The following SLC5A10 variants were observed in gnomAD, a reference collection of about 807,000 sequenced individuals.
The protein encoded by SLC5A10 is solute carrier family 5 member 10.
A neutral mutation model predicts 68.9 loss-of-function variants in SLC5A10; 55 were observed. The ratio of observed to expected loss-of-function variants is 0.80; its 90% CI spans 0.64 to 1.00. The LOEUF is 1.00. SLC5A10 is among the 50% of genes least tolerant of loss of function. The pLI is 0.00. For synonymous variants in SLC5A10, 344 were observed against 344.8 expected (o/e 1.00, Z 0.02); for missense variants, 732 against 819.3 (o/e 0.89, Z 1.30).
rs960378901 is a variant in SLC5A10 at position 18,982,040 on chromosome 17, C to G, written c.982+5051C>G. On this transcript the variant is annotated intron_variant, in intron 9 of 14. Transcript: ENST00000395645. ...CCGCCAGCATCAGGACCCTTCTGGA[C>G]AGTGTCTGTCCCCACCCATCCCAAA... is the stretch of plus-strand genomic sequence containing the variant. Among the ~76,000 whole-genome samples the G allele has an allele frequency of 9.8e-5, 15 of 152,354 alleles. No individual in the cohort carries two copies. The East Asian group carries it at 2.7e-3, about 27-fold the overall frequency.
chr17:18,971,379 G>T lies in SLC5A10; in HGVS notation c.846+161G>T, dbSNP rs765570800. ...TGCTGCTAGGGGTCTTTGCGGTCCC[G>T]GGGGGCTTGAGCCCTCCGTTTAGAA... On this transcript the variant is annotated intron_variant, in intron 8 of 14. Coordinates refer to ENST00000395645, the MANE Select transcript of SLC5A10 (RefSeq NM_001042450.4). This position sits in a 1 kb window ranked among gnomAD's most constrained non-coding sequence, Gnocchi z 5.5. The T allele has an allele frequency of 6.2e-7, 1 of 1,601,780 alleles. No individual in the cohort carries two copies. Among genetic ancestry groups the T allele is most frequent in the South Asian group, 1.1e-5 (1 of 90,458 alleles).
chr17:19,007,054 T>G (rs1014310180), intron 9 of SLC5A10, among the ~76,000 whole-genome samples: 2 of 152,234 alleles, frequency 1.3e-5, no homozygotes, highest in Non-Finnish European at 2.9e-5. Context: ...CCCAAGAGTG[T>G]TATTCCTGGG....
At chr17:18,977,468 G>A (rs1389512805) in intron 9 of SLC5A10, 6 of 1,046,126 alleles carry the variant, frequency 5.7e-6, no homozygotes. Flanking sequence ...TCTGTAACAA[G>A]GGAATTGAAG....
chr17:18,973,606 A>C (rs1214531041), intron 8 of SLC5A10, among the ~76,000 whole-genome samples: 4 of 151,932 alleles, frequency 2.6e-5, no homozygotes, highest in Admixed American at 2.6e-4. Flanking sequence ...TAGAGGTCTG[A>C]CTCCACTTTG....
chr17:18,970,986 G>T (rs767018885), intron 7 of SLC5A10, 27 bp from the exon 8 acceptor site: 18 of 1,611,856 alleles, frequency 1.1e-5, no homozygotes, highest in Non-Finnish European at 1.7e-6. Context: ...CCACCAAACT[G>T]TCCCTGTTCC....
intron 9 of SLC5A10, among the ~76,000 whole-genome samples, chr17:19,008,931 C>T (rs1567810743): frequency 6.6e-6 from 1 of 151,822 alleles, no homozygotes; most frequent in Admixed American, 6.6e-5. Flanking sequence ...CGTGCCGTAG[C>T]CTCCCAAGTA....
Position 19,020,776 on chromosome 17 carries a change from T to C in SLC5A10, c.*345T>C. The C allele has an allele frequency of 3.2e-6, 1 of 310,518 alleles. No homozygotes were observed. The highest frequency in any genetic ancestry group is 4.4e-5 in the Admixed American group (1 of 22,944). The allele number at this position is 310,518 out of a possible 1,614,324, so 19.2% of individuals were successfully genotyped here. A position where few individuals can be genotyped will look rare whatever the true frequency, so the allele number is the denominator to read the frequency against. ...CCAGCACTCAGGGTTCTAAGGGTCT[T>C]GGGCCAGCTCTGGATGGAGGAAGAG... On this transcript the variant is annotated 3_prime_UTR_variant, in exon 15 of 15. Transcript: ENST00000395645.
chr17:18,954,975 A>T (rs1253761952), intron 1 of SLC5A10, among the ~76,000 whole-genome samples: 1 of 151,532 alleles, frequency 6.6e-6, no homozygotes, highest in Non-Finnish European at 1.5e-5. Flanking sequence ...AATCCCAGCT[A>T]CTCAGGAGGC....
chr17:18,971,500 C>T lies in SLC5A10; in HGVS notation c.846+282C>T, dbSNP rs2042851153. The T allele has an allele frequency of 1.9e-6, 3 of 1,613,926 alleles. No individual in the cohort carries two copies. Among genetic ancestry groups the T allele is most frequent in the Non-Finnish European group, 2.5e-6 (3 of 1,180,048 alleles). ...GGATTCCGAAGGGACTCGGATGCTCCTCGGTGGCCCTGCCATCGGTCATGG... is the reference window on the plus strand; with the variant it reads ...GGATTCCGAAGGGACTCGGATGCTCTTCGGTGGCCCTGCCATCGGTCATGG... On this transcript the variant is annotated intron_variant, in intron 8 of 14. Coordinates refer to ENST00000395645, the MANE Select transcript of SLC5A10 (RefSeq NM_001042450.4). This position sits in a 1 kb window ranked among gnomAD's most constrained non-coding sequence, Gnocchi z 5.5.
chr17:18,979,207 C>A, intron 9 of SLC5A10: 2 of 466,586 alleles, frequency 4.3e-6, no homozygotes, highest in Non-Finnish European at 3.9e-6. Flanking sequence ...TAACCATGGG[C>A]AGCGCCCACC....
At chr17:18,984,366 C>T (rs758569979) in intron 9 of SLC5A10, among the ~76,000 whole-genome samples, 12 of 151,276 alleles carry the variant, frequency 7.9e-5, no homozygotes, top group Non-Finnish European at 1.3e-4. Context: ...AGAACCCTGC[C>T]TTATACCCTG....
chr17:18,958,660 T>C, intron 1 of SLC5A10, 22 bp from the exon 2 acceptor site: 2 of 1,613,452 alleles, frequency 1.2e-6, no homozygotes, highest in Non-Finnish European at 1.7e-6. Context: ...TTCCAACTCC[T>C]GTCCCTTTTC....
chr17:18,961,741 G>A (rs1840526436), intron 5 of SLC5A10, among the ~76,000 whole-genome samples: 1 of 152,132 alleles, frequency 6.6e-6, no homozygotes, highest in Non-Finnish European at 1.5e-5. Context: ...TCCATCCAGA[G>A]CCCCCACGGG....
At chr17:19,005,531 G>A (rs1442653935) in intron 9 of SLC5A10, among the ~76,000 whole-genome samples, 1 of 152,170 alleles carries the variant, frequency 6.6e-6, no homozygotes, top group African/African-American at 2.4e-5. Flanking sequence ...CCGGCACCAG[G>A]CCCAGCCCTT....
intron 14 of SLC5A10, 39 bp downstream of exon 14, chr17:19,020,251 T>G: frequency 6.2e-7 from 1 of 1,613,570 alleles, no homozygotes; most frequent in African/African-American, 1.3e-5. Flanking sequence ...ACCTTGACCC[T>G]GGCCTGGAGG....
Position 19,013,393 on chromosome 17 carries a change from G to A in SLC5A10, c.983-17G>A. Reference sequence around the variant, plus strand: ...ATGTCTATGAGGAGAGACACCAAGTGTCCGTCTCTCGAACAGATGATGTGG... The same window carrying A: ...ATGTCTATGAGGAGAGACACCAAGTATCCGTCTCTCGAACAGATGATGTGG... On this transcript the variant is annotated splice_polypyrimidine_tract_variant and intron_variant, in intron 9 of 14. Coordinates refer to ENST00000395645, the MANE Select transcript of SLC5A10 (RefSeq NM_001042450.4). The A allele has an allele frequency of 1.9e-6, 3 of 1,605,260 alleles. No individual in the cohort carries two copies. The highest frequency in any genetic ancestry group is 2.6e-6 in the Non-Finnish European group (3 of 1,175,566).
chr17:18,955,866 T>C (rs111928116), intron 1 of SLC5A10, among the ~76,000 whole-genome samples: 15,137 of 152,206 alleles, frequency 0.099, 2,169 homozygotes, highest in African/African-American at 0.32. Context: ...GTTCAAGACC[T>C]GCCTGGGCAA....
rs546885064 is a variant in SLC5A10, at chr17:18,984,979, C to G, written c.982+7990C>G. Among the ~76,000 whole-genome samples, 3 of 152,378 alleles carry G rather than the reference C, an allele frequency of 2.0e-5. No homozygotes were observed. In the South Asian group the frequency reaches 6.2e-4, roughly 32 times the overall value. On this transcript the variant is annotated intron_variant, in intron 9 of 14. Coordinates refer to ENST00000395645, the MANE Select transcript of SLC5A10 (RefSeq NM_001042450.4). ...ACTGGTGCACGCTGCTCCCACCTCA[C>G]CTGGGGACCAGGAGTGGGCTTGGCC...
chr17:18,968,900 C>T lies in SLC5A10; in HGVS notation c.454-152C>T. 1.5e-6 allele frequency: 1 copy of T among 649,004 alleles called. No homozygotes were observed. The highest frequency in any genetic ancestry group is 2.0e-5 in the South Asian group (1 of 50,440). The allele number at this position is 649,004 out of a possible 1,614,324, so 40.2% of individuals were successfully genotyped here. ...GGTCTTCCCCCAACCTCACAATGGC[C>T]CCGTGATGCAGGCAGGCAGGCGAGT... On this transcript the variant is annotated intron_variant, in intron 5 of 14. Transcript: ENST00000395645. The surrounding 1 kb of genome is among the most constrained non-coding windows in gnomAD (Gnocchi z 4.1).
Sources: allele counts gnomAD v4.1 joint callset (sites outside exome capture counted in the v4.1 genomes callset), GRCh38; gene constraint gnomAD v4.1.1; non-coding constraint Gnocchi (gnomAD v3.1); transcripts MANE v1.5; gene names NCBI Gene and HGNC (gene_info 2026-07-23, HGNC 2026-07-21).